Variants in TULP2 observed in about 807,000 individuals in gnomAD.
The protein encoded by TULP2 is TUB like protein 2.
Under a neutral mutation model 60.3 loss-of-function variants are expected in TULP2, and 64 were observed. The ratio of observed to expected loss-of-function variants is 1.06; its 90% CI spans 0.87 to 1.31. The LOEUF (loss-of-function observed/expected upper bound fraction) is 1.31. TULP2 is among the 50% of genes most tolerant of loss of function. The pLI is 0.00. For missense variants in TULP2, 652 were observed against 667.0 expected (o/e 0.98, Z 0.25); for synonymous variants, 267 against 265.4 (o/e 1.01, Z -0.06).
chr19:48,883,371 GC>G (rs2037152006), intron 11 of TULP2, among the ~76,000 whole-genome samples: 1 of 152,048 alleles, frequency 6.6e-6, no homozygotes, highest in African/African-American at 2.4e-5. Context: ...CAACCAGCTG[GC>G]CTCAAGGCTG....
At chr19:48,887,012 C>CCTTTTT (rs2037185428) in intron 8 of TULP2, among the ~76,000 whole-genome samples, 1 of 132,602 alleles carries the variant, frequency 7.5e-6, no homozygotes, top group Admixed American at 7.6e-5. Flanking sequence ...CGTGCCCGGC[C>CCTTTTT]TTTTTTTTTT....
At chr19:48,888,672 A>C (rs551906382) in intron 7 of TULP2, among the ~76,000 whole-genome samples, 31 of 152,308 alleles carry the variant, frequency 2.0e-4, no homozygotes, top group Admixed American at 1.8e-3. Flanking sequence ...CCCAGGCTGG[A>C]GTGCAGTGAC....
At position 48,896,569 on chromosome 19, in the gene TULP2, G is replaced by A. The variant is rs199953336; in HGVS notation, c.85-13C>T. On this transcript the variant is annotated splice_polypyrimidine_tract_variant and intron_variant, in intron 3 of 12. Coordinates refer to ENST00000221399, the MANE Select transcript of TULP2 (RefSeq NM_003323.3). ...CAAACAGCCGCCGCTGGGGAGATGG[G>A]AGAGGTGGGTGTCCGGGACAGGAAC... 7 of 1,585,554 alleles carry A rather than the reference G, an allele frequency of 4.4e-6. No individual in the cohort carries two copies. Among genetic ancestry groups the A allele is most frequent in the Middle Eastern group, 1.7e-4 (1 of 5,882 alleles).
At position 48,897,286 on chromosome 19, in the gene TULP2, C is replaced by A; in HGVS notation, c.84+59G>T. ...CCTAGAGCAAGACCTGGTGGAGAGG[C>A]CCCTGGGGAGGCACAGAAGGCGGAA... On this transcript the variant is annotated intron_variant, in intron 3 of 12. Transcript: ENST00000221399. This position sits in a 1 kb window ranked among gnomAD's most constrained non-coding sequence, Gnocchi z 4.0. The A allele has an allele frequency of 6.3e-7, 1 of 1,580,528 alleles. No homozygotes were observed. The highest frequency in any genetic ancestry group is 8.7e-7 in the Non-Finnish European group (1 of 1,154,308).
chr19:48,888,327 G>GA, intron 7 of TULP2, 66 bp from the exon 8 acceptor site: 19 of 1,492,592 alleles, frequency 1.3e-5, no homozygotes, highest in Non-Finnish European at 1.7e-5. Context: ...ACTACTGATT[G>GA]ACCATCCCAG....
At chr19:48,894,134 G>T (rs989358315) in intron 6 of TULP2, among the ~76,000 whole-genome samples, 1 of 151,926 alleles carries the variant, frequency 6.6e-6, no homozygotes, top group Non-Finnish European at 1.5e-5. Context: ...CTGGGTTCAA[G>T]TGACTCTCTT....
At position 48,897,445 on chromosome 19, in the gene TULP2, G is replaced by A. The variant is rs1294585433; in HGVS notation, c.33-49C>T. On this transcript the variant is annotated intron_variant, in intron 2 of 12. Coordinates refer to ENST00000221399, the MANE Select transcript of TULP2 (RefSeq NM_003323.3). This position sits in a 1 kb window ranked among gnomAD's most constrained non-coding sequence, Gnocchi z 4.0. Reference sequence around the variant, plus strand: ...TGACAGTGCACAGGGAACCTCGGTTGCCCAAGAGAGTCCCTCCTTCCCCCA... The same window carrying A: ...TGACAGTGCACAGGGAACCTCGGTTACCCAAGAGAGTCCCTCCTTCCCCCA... 6.3e-7 allele frequency: 1 copy of A among 1,592,870 alleles called. No individual in the cohort carries two copies. The highest frequency in any genetic ancestry group is 1.1e-5 in the South Asian group (1 of 89,382).
rs60572211 is a variant in TULP2 at position 48,897,948 on chromosome 19, CTTATTTAT to C, written c.-1-87_-1-80del. On this transcript the variant is annotated intron_variant, in intron 1 of 12. Coordinates refer to ENST00000221399, the MANE Select transcript of TULP2 (RefSeq NM_003323.3). This position sits in a 1 kb window ranked among gnomAD's most constrained non-coding sequence, Gnocchi z 4.0. ...TGCCCACCAGCACCTAATCTTTAGC[CTTATTTAT>C]TTATTTATTTATTTATTTATTTATG... 1,776 of 638,012 alleles carry C rather than the reference CTTATTTAT, an allele frequency of 2.8e-3. 48 individuals carry two copies. Among genetic ancestry groups the C allele is most frequent in the African/African-American group, 0.019 (998 of 51,842 alleles). The allele number at this position is 638,012 out of a possible 1,614,324, so 39.5% of individuals were successfully genotyped here.
Position 48,885,568 on chromosome 19 carries a change from T to G in TULP2, c.949-8A>C. ...CCCAGCCAGGAGGAAGCGCTATGGATGAGAGGAACAGTCCATTAGAATGGA... is the reference window on the plus strand; with the variant it reads ...CCCAGCCAGGAGGAAGCGCTATGGAGGAGAGGAACAGTCCATTAGAATGGA... On this transcript the variant is annotated splice_region_variant and splice_polypyrimidine_tract_variant and intron_variant, in intron 8 of 12. Coordinates refer to ENST00000221399, the MANE Select transcript of TULP2 (RefSeq NM_003323.3). The G allele has an allele frequency of 6.2e-7, 1 of 1,612,046 alleles. No individual in the cohort carries two copies. The highest frequency in any genetic ancestry group is 8.5e-7 in the Non-Finnish European group (1 of 1,178,486).
At chr19:48,885,344 T>C (rs2037169684) in intron 9 of TULP2, 104 bp downstream of exon 9, 2 of 894,622 alleles carry the variant, frequency 2.2e-6, no homozygotes, top group Non-Finnish European at 3.6e-6. Flanking sequence ...TTCTGGTCCC[T>C]GAGCAGGTGG....
At chr19:48,886,929 ATCTGGAACTTG>A (rs1239634727) in intron 8 of TULP2, among the ~76,000 whole-genome samples, 1 of 141,814 alleles carries the variant, frequency 7.1e-6, no homozygotes, top group Non-Finnish European at 1.5e-5. Flanking sequence ...GCCCAAGCTG[ATCTGGAACTTG>A]TCAGCTCAAA....
chr19:48,889,606 G>A lies in TULP2; in HGVS notation c.540C>T (p.Asp180=), dbSNP rs187790915. Residue 180 remains aspartate (D), a synonymous_variant, in exon 7 of 13, where the codon GAC becomes GAT. Coordinates refer to ENST00000221399, the MANE Select transcript of TULP2 (RefSeq NM_003323.3). ...TGTGTGCATCTCCCATATCCTGGGA[G>A]TCACTCTCACCCTCTGCACGGGTCC... ...RPGTRAEGES[D]SQDMGDAHKS... is the part of the protein sequence containing the mutation. The A allele has an allele frequency of 6.9e-6, 11 of 1,585,392 alleles. No individual in the cohort carries two copies. The East Asian group carries it at 2.3e-4, about 33-fold the overall frequency.
At chr19:48,893,811 C>A (rs1463590151) in intron 6 of TULP2, among the ~76,000 whole-genome samples, 1 of 152,196 alleles carries the variant, frequency 6.6e-6, no homozygotes, top group Non-Finnish European at 1.5e-5. Context: ...ACCTTTGCCT[C>A]CCAAAGTGCT....
chr19:48,896,947 T>C (rs1483859340), intron 3 of TULP2, among the ~76,000 whole-genome samples: 1 of 152,000 alleles, frequency 6.6e-6, no homozygotes, highest in African/African-American at 2.4e-5. Context: ...TGGAGTGCAG[T>C]ACCACGATCT....
intron 8 of TULP2, among the ~76,000 whole-genome samples, 185 bp from the exon 9 acceptor site, chr19:48,885,745 C>G (rs2037174178): frequency 6.6e-6 from 1 of 151,476 alleles, no homozygotes; most frequent in Non-Finnish European, 1.5e-5. Flanking sequence ...ATTAGCCAGG[C>G]GTGGTAGTGC....
intron 6 of TULP2, among the ~76,000 whole-genome samples, chr19:48,894,093 C>A (rs142640783): frequency 0.1 from 15,949 of 151,914 alleles, 1,170 homozygotes; most frequent in Non-Finnish European, 0.16. Context: ...AGTACAGTGG[C>A]ATGATCTCGG....
intron 4 of TULP2, among the ~76,000 whole-genome samples, chr19:48,895,714 T>C (rs1568577616): frequency 6.6e-6 from 1 of 151,956 alleles, no homozygotes; most frequent in Non-Finnish European, 1.5e-5. Flanking sequence ...ACACCGTCTC[T>C]ACTAAAAACA....
At chr19:48,893,685 C>A (rs1328467887) in intron 6 of TULP2, among the ~76,000 whole-genome samples, 2 of 152,072 alleles carry the variant, frequency 1.3e-5, no homozygotes, top group Non-Finnish European at 2.9e-5. Context: ...TCCCCAGCAG[C>A]TAGGATTACA....
intron 8 of TULP2, among the ~76,000 whole-genome samples, chr19:48,886,767 A>ATT (rs200818027): frequency 2.4e-4 from 33 of 140,236 alleles, no homozygotes; most frequent in Middle Eastern, 3.6e-3. Flanking sequence ...GGTCCAGACT[A>ATT]TTTTTTTTTT....
Sources: allele counts gnomAD v4.1 joint callset (sites outside exome capture counted in the v4.1 genomes callset), GRCh38; gene constraint gnomAD v4.1.1; non-coding constraint Gnocchi (gnomAD v3.1); transcripts MANE v1.5; gene names NCBI Gene and HGNC (gene_info 2026-07-23, HGNC 2026-07-21).